ATP2C2: variants seen among roughly 807,000 people sequenced by gnomAD.
ATP2C2 encodes ATPase secretory pathway Ca2+ transporting 2.
A neutral mutation model predicts 110.8 loss-of-function variants in ATP2C2; 171 were observed. The observed-to-expected ratio is 1.54, with a 90% confidence interval of 1.36 to 1.75. ATP2C2 has a LOEUF of 1.75. Ranked by LOEUF, ATP2C2 falls within the 40% of genes most tolerant of loss-of-function variation. The pLI is 0.00. For missense variants in ATP2C2, 1,963 were observed against 1,235.0 expected (o/e 1.59, Z -8.84); for synonymous variants, 804 against 508.4 (o/e 1.58, Z -7.82).
chr16:84,373,552 C>A (rs968213472), intron 1 of ATP2C2, among the ~76,000 whole-genome samples: 1 of 152,150 alleles, frequency 6.6e-6, no homozygotes, highest in African/African-American at 2.4e-5. Flanking sequence ...TTTTGAATCT[C>A]ATTTTGAAAT....
intron 17 of ATP2C2, among the ~76,000 whole-genome samples, chr16:84,449,186 C>G (rs755514729): frequency 1.3e-5 from 2 of 152,266 alleles, no homozygotes; most frequent in Non-Finnish European, 2.9e-5. Context: ...AGAAGTGCTC[C>G]TGAGCACTGG....
At chr16:84,380,149 C>T (rs1910490646) in intron 1 of ATP2C2, among the ~76,000 whole-genome samples, 1 of 152,106 alleles carries the variant, frequency 6.6e-6, no homozygotes, top group African/African-American at 2.4e-5. Context: ...CTGGGAGGTG[C>T]CTGTTCCCCA....
intron 1 of ATP2C2, among the ~76,000 whole-genome samples, chr16:84,383,548 C>T (rs72804656): frequency 0.072 from 11,006 of 152,202 alleles, 498 homozygotes; most frequent in Middle Eastern, 0.11. Flanking sequence ...CATTTATTGT[C>T]TGGAAATAAT....
intron 7 of ATP2C2, among the ~76,000 whole-genome samples, chr16:84,420,488 T>A (rs1303968889): frequency 6.7e-6 from 1 of 149,716 alleles, no homozygotes; most frequent in Non-Finnish European, 1.5e-5. Flanking sequence ...TTTTTTTTTT[T>A]AAAGGACTTC....
intron 1 of ATP2C2, among the ~76,000 whole-genome samples, chr16:84,372,435 A>G (rs1389460859): frequency 6.6e-6 from 1 of 152,082 alleles, no homozygotes; most frequent in Non-Finnish European, 1.5e-5. Flanking sequence ...CTGCAACCCC[A>G]CAGTGTTTTT....
intron 2 of ATP2C2, among the ~76,000 whole-genome samples, chr16:84,398,818 A>T (rs561480146): frequency 6.6e-6 from 1 of 152,324 alleles, no homozygotes; most frequent in East Asian, 1.9e-4. Context: ...CCAGGCCCTT[A>T]CCGGAAGACG....
chr16:84,454,691 A>G, intron 20 of ATP2C2, 127 bp from the exon 21 acceptor site: 2 of 972,302 alleles, frequency 2.1e-6, no homozygotes, highest in Non-Finnish European at 1.4e-6. Context: ...AATGTGGGTG[A>G]AGCTGGGATT....
chr16:84,458,783 G>T (rs140641276), intron 21 of ATP2C2, among the ~76,000 whole-genome samples: 11 of 152,178 alleles, frequency 7.2e-5, no homozygotes, highest in Admixed American at 1.3e-4. Flanking sequence ...GGTAAATCGC[G>T]GAGATGCACG....
chr16:84,387,589 T>C (rs1397919297), intron 1 of ATP2C2, among the ~76,000 whole-genome samples: 5 of 152,158 alleles, frequency 3.3e-5, no homozygotes. Flanking sequence ...GGCATAGCCA[T>C]GAAGCAGCGT....
At position 84,459,143 on chromosome 16, in the gene ATP2C2, G is replaced by T. The variant is rs760487632; in HGVS notation, c.2171G>T (p.Gly724Val). 2.5e-6 allele frequency: 4 copies of T among 1,614,162 alleles called. No homozygotes were observed. The highest frequency in any genetic ancestry group is 3.3e-4 in the Middle Eastern group (2 of 6,062). ...AIMNAVEEGKGIFYNIKNFVR... is the reference protein window; with the variant it reads ...AIMNAVEEGKVIFYNIKNFVR... The stretch of plus-strand genomic sequence containing the variant: ...AGGAATGCAGTGGAGGAAGGCAAGG[G>T]TATTTTTTACAACATCAAAAACTTT... Residue 724 changes from glycine (G) to valine (V), a missense_variant, in exon 22 of 27, where the codon GGT becomes GTT. Coordinates refer to ENST00000262429, the MANE Select transcript of ATP2C2 (RefSeq NM_014861.4).
chr16:84,454,176 G>A (rs935547925), intron 20 of ATP2C2, among the ~76,000 whole-genome samples: 1 of 152,088 alleles, frequency 6.6e-6, no homozygotes, highest in African/African-American at 2.4e-5. Flanking sequence ...TAAAATGGGG[G>A]AACTATTAAT....
intron 20 of ATP2C2, among the ~76,000 whole-genome samples, chr16:84,453,802 G>A (rs1178835163): frequency 2.0e-5 from 3 of 152,104 alleles, no homozygotes; most frequent in Admixed American, 6.5e-5. Flanking sequence ...ATTGGATAAC[G>A]TAGAGGGAAA....
intron 11 of ATP2C2, among the ~76,000 whole-genome samples, chr16:84,433,298 G>C (rs1908442649): frequency 6.6e-6 from 1 of 151,978 alleles, no homozygotes; most frequent in Admixed American, 6.6e-5. Flanking sequence ...CGGGAGGATT[G>C]CTTGAGCCTG....
chr16:84,446,196 T>C (rs775107287), intron 15 of ATP2C2, 133 bp from the exon 16 acceptor site: 86 of 454,836 alleles, frequency 1.9e-4, no homozygotes, highest in Non-Finnish European at 2.8e-4. Context: ...ATGGCCTTTT[T>C]TCTATGTGCT....
chr16:84,423,130 C>T, intron 9 of ATP2C2, 58 bp from the exon 10 acceptor site: 1 of 1,483,008 alleles, frequency 6.7e-7, no homozygotes, highest in Non-Finnish European at 9.4e-7. Flanking sequence ...ACATTTTGAA[C>T]AAAGGCAGGC....
intron 15 of ATP2C2, among the ~76,000 whole-genome samples, chr16:84,445,222 T>C (rs1223397705): frequency 4.0e-5 from 6 of 151,636 alleles, no homozygotes; most frequent in Non-Finnish European, 8.9e-5. Flanking sequence ...TTTTTTTTTT[T>C]TTTTGAGACG....
At chr16:84,444,205 G>A (rs143777947) in intron 15 of ATP2C2, among the ~76,000 whole-genome samples, 2,123 of 149,926 alleles carry the variant, frequency 0.014, 69 homozygotes, top group African/African-American at 0.049. Context: ...GGGCACAGTG[G>A]CTCACACCTG....
In ATP2C2 at chr16:84,446,506, T is replaced by C. The variant is rs547482044; in HGVS notation, c.1503+76T>C. 4.8e-6 allele frequency: 5 copies of C among 1,044,994 alleles called. No individual in the cohort carries two copies. In the East Asian group the frequency reaches 1.3e-4, roughly 27 times the overall value. The allele number at this position is 1,044,994 out of a possible 1,614,324, so 64.7% of individuals were successfully genotyped here. On this transcript the variant is annotated intron_variant, in intron 16 of 26. Transcript: ENST00000262429. ...CCCAGAGATAAAGCAAAATGCAGAC[T>C]TCAAGGATAATTTGAAAGTTCCTGG... is the stretch of plus-strand genomic sequence containing the variant.
At chr16:84,440,699 T>A (rs541768034) in intron 13 of ATP2C2, among the ~76,000 whole-genome samples, 158 bp from the exon 14 acceptor site, 1 of 152,236 alleles carries the variant, frequency 6.6e-6, no homozygotes, top group Non-Finnish European at 1.5e-5. Context: ...CGTATCCAAT[T>A]AATCAATAAT....
Sources: gnomAD v4.1 joint callset for allele counts (sites outside exome capture counted in the v4.1 genomes callset) on GRCh38, gnomAD v4.1.1 for gene constraint, MANE v1.5 for transcripts, NCBI Gene and HGNC (gene_info 2026-07-23, HGNC 2026-07-21) for gene names.